KIRREL3: variants seen among roughly 807,000 people sequenced by gnomAD.
The protein encoded by KIRREL3 is kin of IRRE-like protein 3.
KIRREL3 carries 36 observed loss-of-function variants against 89.7 expected under a neutral mutation model. The ratio of observed to expected loss-of-function variants is 0.40; its 90% CI spans 0.31 to 0.53. The LOEUF (loss-of-function observed/expected upper bound fraction) is 0.53. Ranked by LOEUF, KIRREL3 falls within the 20% of genes least tolerant of loss-of-function variation. KIRREL3 has a pLI of 0.49. For missense variants in KIRREL3, 864 were observed against 1,056.6 expected, an observed-to-expected ratio of 0.82 and a Z score of 2.53; for synonymous variants, 445 against 441.4, an observed-to-expected ratio of 1.01 and a Z score of -0.10.
rs1338910106 is a variant in KIRREL3, at chr11:126,924,855, C to T, written c.55+75600G>A. Reference sequence around the variant, plus strand: ...TGTTGAGAATGAAAGTTGTTATTAGCATGATTCACTCTCCAACAGCATGAA... The same window carrying T: ...TGTTGAGAATGAAAGTTGTTATTAGTATGATTCACTCTCCAACAGCATGAA... On this transcript the variant is annotated intron_variant, in intron 1 of 16. Coordinates refer to ENST00000525144, the MANE Select transcript of KIRREL3 (RefSeq NM_032531.4). The surrounding 1 kb of genome is among the most constrained non-coding windows in gnomAD (Gnocchi z 4.7). Among the ~76,000 whole-genome samples the T allele has an allele frequency of 6.6e-6, 1 of 151,848 alleles. No homozygotes were observed. The highest frequency in any genetic ancestry group is 2.4e-5 in the African/African-American group (1 of 41,292).
rs571495369 is a variant in KIRREL3, at chr11:126,734,200, C to T, written c.56-171288G>A. Among the ~76,000 whole-genome samples, 652 of 152,296 alleles carry T rather than the reference C, an allele frequency of 4.3e-3. 4 individuals are homozygous for T. The highest frequency in any genetic ancestry group is 5.6e-3 in the Non-Finnish European group (380 of 68,024). On this transcript the variant is annotated intron_variant, in intron 1 of 16. Transcript: ENST00000525144. The surrounding 1 kb of genome is among the most constrained non-coding windows in gnomAD (Gnocchi z 5.9). The stretch of plus-strand genomic sequence containing the variant: ...GGATGTAAAGAAAATAGGCATTTCA[C>T]GGCTGTTCTCTCCCAAGTCCCATGC...
At chr11:126,657,211 C>T (rs553402) in intron 1 of KIRREL3, among the ~76,000 whole-genome samples, 126,204 of 151,870 alleles carry the variant, frequency 0.83, 53,019 homozygotes, top group East Asian at 1. Context: ...CATGCATAAT[C>T]TCTCAGGAGA....
chr11:126,582,392 T>C (rs1254263826), intron 1 of KIRREL3, among the ~76,000 whole-genome samples: 2 of 152,182 alleles, frequency 1.3e-5, no homozygotes, highest in Non-Finnish European at 2.9e-5. Context: ...CCTCTGGTGT[T>C]TGGTATCAGA....
Position 126,677,657 on chromosome 11 carries a change from G to A in KIRREL3, c.56-114745C>T, listed in dbSNP as rs1946256902. 2.6e-5 allele frequency among the ~76,000 whole-genome samples: 4 copies of A among 152,246 alleles called. No individual in the cohort carries two copies. In the South Asian group the frequency reaches 6.2e-4, roughly 24 times the overall value. ...GGTGCTGAAGCAGGGCTGGGATGGG[G>A]GTGTGAAGACAGAAAATCCACCAGC... On this transcript the variant is annotated intron_variant, in intron 1 of 16. Coordinates refer to ENST00000525144, the MANE Select transcript of KIRREL3 (RefSeq NM_032531.4). This position sits in a 1 kb window ranked among gnomAD's most constrained non-coding sequence, Gnocchi z 5.1.
chr11:126,970,016 A>G lies in KIRREL3; in HGVS notation c.55+30439T>C, dbSNP rs1949384863. Among the ~76,000 whole-genome samples the G allele has an allele frequency of 6.6e-6, 1 of 152,188 alleles. No homozygotes were observed. Among genetic ancestry groups the G allele is most frequent in the Non-Finnish European group, 1.5e-5 (1 of 68,044 alleles). On this transcript the variant is annotated intron_variant, in intron 1 of 16. Transcript: ENST00000525144. The surrounding 1 kb of genome is among the most constrained non-coding windows in gnomAD (Gnocchi z 4.4). ...ATCTGAGTTAAGACAACGCAATACGAAAGAAAATCTGGCTAAAATTAGCCT... is the reference window on the plus strand; with the variant it reads ...ATCTGAGTTAAGACAACGCAATACGGAAGAAAATCTGGCTAAAATTAGCCT...
At position 126,659,921 on chromosome 11, in the gene KIRREL3, G is replaced by A. The variant is rs1180184235; in HGVS notation, c.56-97009C>T. On this transcript the variant is annotated intron_variant, in intron 1 of 16. Coordinates refer to ENST00000525144, the MANE Select transcript of KIRREL3 (RefSeq NM_032531.4). ...CGAAAACTTGCAGAAAACATCTAAA[G>A]AAGGCTGGAGGTGGCCTGGTGCTTA... 3.9e-5 allele frequency among the ~76,000 whole-genome samples: 6 copies of A among 152,198 alleles called. No homozygotes were observed. The East Asian group carries it at 5.8e-4, about 15-fold the overall frequency.
chr11:126,828,147 A>T (rs1943480025), intron 1 of KIRREL3, among the ~76,000 whole-genome samples: 1 of 152,264 alleles, frequency 6.6e-6, no homozygotes, highest in Non-Finnish European at 1.5e-5. Flanking sequence ...ACTTTTAAAA[A>T]GAGGTAATTC....
intron 7 of KIRREL3, among the ~76,000 whole-genome samples, chr11:126,452,807 T>A (rs183693406): frequency 0.012 from 1,831 of 151,906 alleles, 14 homozygotes; most frequent in Non-Finnish European, 0.018. Context: ...TTTGGGGAGG[T>A]GCCTCAGGAC....
rs976682266 is a variant in KIRREL3, at chr11:126,710,932, T to C, written c.56-148020A>G. On this transcript the variant is annotated intron_variant, in intron 1 of 16. Transcript: ENST00000525144. This position sits in a 1 kb window ranked among gnomAD's most constrained non-coding sequence, Gnocchi z 4.2. The stretch of plus-strand genomic sequence containing the variant: ...CTCAACCTGATAGGCCTCTTCACAA[T>C]GTGCAGGCTGTGATGAGGATGGTGG... Among the ~76,000 whole-genome samples, 2 of 152,196 alleles carry C rather than the reference T, an allele frequency of 1.3e-5. No homozygotes were observed. Among genetic ancestry groups the C allele is most frequent in the Non-Finnish European group, 2.9e-5 (2 of 68,028 alleles).
chr11:126,568,961 A>T lies in KIRREL3; in HGVS notation c.56-6049T>A, dbSNP rs138048772. Among the ~76,000 whole-genome samples the T allele has an allele frequency of 3.7e-3, 566 of 152,154 alleles. 1 individual carries two copies. Among genetic ancestry groups the T allele is most frequent in the Non-Finnish European group, 6.1e-3 (417 of 68,000 alleles). Reference sequence around the variant, plus strand: ...CGTAGCCAACAGTGACATGGACTGGAAATGTGAGGCCAGTCAGGAAGACCA... The same window carrying T: ...CGTAGCCAACAGTGACATGGACTGGTAATGTGAGGCCAGTCAGGAAGACCA... On this transcript the variant is annotated intron_variant, in intron 1 of 16. Transcript: ENST00000525144. This position sits in a 1 kb window ranked among gnomAD's most constrained non-coding sequence, Gnocchi z 4.6.
rs949206067 is a variant in KIRREL3, at chr11:126,715,880, C to G, written c.56-152968G>C. On this transcript the variant is annotated intron_variant, in intron 1 of 16. Coordinates refer to ENST00000525144, the MANE Select transcript of KIRREL3 (RefSeq NM_032531.4). The surrounding 1 kb of genome is among the most constrained non-coding windows in gnomAD (Gnocchi z 4.4). ...GGTGCTCCTCTGAAGAATGCAAGAG[C>G]AATCTGCAGTGTTATTGACTAGTGG... 2.6e-5 allele frequency among the ~76,000 whole-genome samples: 4 copies of G among 152,138 alleles called. No individual in the cohort carries two copies. The highest frequency in any genetic ancestry group is 9.7e-5 in the African/African-American group (4 of 41,438).
chr11:126,489,327 G>A lies in KIRREL3; in HGVS notation c.434-15861C>T, dbSNP rs540329473. Among the ~76,000 whole-genome samples the A allele has an allele frequency of 6.6e-5, 10 of 152,154 alleles. No individual in the cohort carries two copies. Among genetic ancestry groups the A allele is most frequent in the Non-Finnish European group, 1.2e-4 (8 of 68,026 alleles). ...CCCCAGCTCAGCCTGCACGGAGCAGGTGCTCAACAGATGAGCACCCCATCA... is the reference window on the plus strand; with the variant it reads ...CCCCAGCTCAGCCTGCACGGAGCAGATGCTCAACAGATGAGCACCCCATCA... On this transcript the variant is annotated intron_variant, in intron 4 of 16. Coordinates refer to ENST00000525144, the MANE Select transcript of KIRREL3 (RefSeq NM_032531.4). This position sits in a 1 kb window ranked among gnomAD's most constrained non-coding sequence, Gnocchi z 5.5.
intron 1 of KIRREL3, among the ~76,000 whole-genome samples, chr11:126,787,721 A>G (rs978894850): frequency 6.6e-6 from 1 of 152,324 alleles, no homozygotes. Context: ...CCAGTGAAGC[A>G]CAAATGCTCT....
At position 126,562,356 on chromosome 11, in the gene KIRREL3, G is replaced by A. The variant is rs535638547; in HGVS notation, c.133+479C>T. Among the ~76,000 whole-genome samples, 59 of 152,208 alleles carry A rather than the reference G, an allele frequency of 3.9e-4. No homozygotes were observed. Among genetic ancestry groups the A allele is most frequent in the African/African-American group, 1.3e-3 (55 of 41,532 alleles). The stretch of plus-strand genomic sequence containing the variant: ...TCAGTGGAGTTGGGAAAGGGGGCAG[G>A]TTTCCTAGGGTAAGTTCTTTGGGAA... On this transcript the variant is annotated intron_variant, in intron 2 of 16. Coordinates refer to ENST00000525144, the MANE Select transcript of KIRREL3 (RefSeq NM_032531.4). The surrounding 1 kb of genome is among the most constrained non-coding windows in gnomAD (Gnocchi z 4.7).
chr11:126,979,409 T>G (rs1192976497), intron 1 of KIRREL3, among the ~76,000 whole-genome samples: 1 of 152,320 alleles, frequency 6.6e-6, no homozygotes, highest in East Asian at 1.9e-4. Context: ...AACAGCTACC[T>G]TATCAACTTA....
At chr11:126,549,590 G>A (rs1939095922) in intron 2 of KIRREL3, 1 of 152,214 alleles carries the variant, frequency 6.6e-6, no homozygotes, top group East Asian at 1.9e-4. Flanking sequence ...TTCAGACCCT[G>A]GGGAGAGGGC....
chr11:126,727,027 C>G (rs1391513122), intron 1 of KIRREL3, among the ~76,000 whole-genome samples: 1 of 152,226 alleles, frequency 6.6e-6, no homozygotes, highest in African/African-American at 2.4e-5. Flanking sequence ...CGTAGCCTAC[C>G]TTCACTCATC....
Position 126,776,529 on chromosome 11 carries a change from A to G in KIRREL3, c.56-213617T>C, listed in dbSNP as rs1950173745. On this transcript the variant is annotated intron_variant, in intron 1 of 16. Transcript: ENST00000525144. The surrounding 1 kb of genome is among the most constrained non-coding windows in gnomAD (Gnocchi z 4.7). The stretch of plus-strand genomic sequence containing the variant: ...TGCAGACAGGTCTCTACTAGGTGTC[A>G]GAGCCGTCGGTAGGGTTAATGCAGG... 6.6e-6 allele frequency among the ~76,000 whole-genome samples: 1 copy of G among 152,194 alleles called. No individual in the cohort carries two copies. The highest frequency in any genetic ancestry group is 1.5e-5 in the Non-Finnish European group (1 of 68,040).
chr11:126,861,758 A>G (rs1468441558), intron 1 of KIRREL3, among the ~76,000 whole-genome samples: 1 of 152,240 alleles, frequency 6.6e-6, no homozygotes, highest in Non-Finnish European at 1.5e-5. Flanking sequence ...TTTAGCTGTT[A>G]TGAATTCTCT....
Sources: gnomAD v4.1 joint callset for allele counts (sites outside exome capture counted in the v4.1 genomes callset) on GRCh38, gnomAD v4.1.1 for gene constraint, Gnocchi (gnomAD v3.1) non-coding constraint, MANE v1.5 for transcripts, NCBI Gene and HGNC (gene_info 2026-07-23, HGNC 2026-07-21) for gene names.